TESPA1: variants seen among roughly 807,000 people sequenced by gnomAD.
The protein encoded by TESPA1 is thymocyte expressed, positive selection associated 1.
In TESPA1, 33 loss-of-function variants were observed where a neutral mutation model predicts 57.9. The ratio of observed to expected loss-of-function variants is 0.57; its 90% confidence interval spans 0.43 to 0.76. TESPA1 has a LOEUF of 0.76. Among genes scored for constraint, TESPA1 ranks in the 30% least tolerant of loss-of-function variants. TESPA1 has a pLI of 0.00. For missense variants in TESPA1, 618 were observed against 632.9 expected, an observed-to-expected ratio of 0.98 and a Z score of 0.25; for synonymous variants, 227 against 228.9, an observed-to-expected ratio of 0.99 and a Z score of 0.07.
intron 10 of TESPA1, among the ~76,000 whole-genome samples, chr12:54,959,319 C>T (rs761414939): frequency 2.0e-5 from 3 of 152,094 alleles, no homozygotes; most frequent in Admixed American, 6.5e-5. Flanking sequence ...AAACCTCATC[C>T]GGTTAGGTTT....
intron 2 of TESPA1, chr12:54,973,996 CT>C: frequency 1.3e-6 from 1 of 785,988 alleles, no homozygotes; most frequent in Non-Finnish European, 1.6e-6. Context: ...ACAAATAAGT[CT>C]TAGAGAGGTG....
At chr12:54,974,970 C>T (rs1034713207) in intron 1 of TESPA1, among the ~76,000 whole-genome samples, 23 of 152,138 alleles carry the variant, frequency 1.5e-4, no homozygotes, top group African/African-American at 5.3e-4. Context: ...CTACCAGAAT[C>T]TTCCATTATG....
rs978468074 is a variant in TESPA1, at chr12:54,951,824, C to T, written c.*2-1434G>A. On this transcript the variant is annotated intron_variant, in intron 10 of 10. Coordinates refer to ENST00000449076, the MANE Select transcript of TESPA1 (RefSeq NM_001136030.3). The stretch of plus-strand genomic sequence containing the variant: ...TTATATACGTTGTTCCTTGATAAAA[C>T]TTTAAATATTAATATTTCTAAGTTG... Among the ~76,000 whole-genome samples, 23 of 151,356 alleles carry T rather than the reference C, an allele frequency of 1.5e-4. No homozygotes were observed. The South Asian group carries it at 4.2e-3, about 27-fold the overall frequency.
chr12:54,958,488 G>A (rs1393382467), intron 10 of TESPA1, among the ~76,000 whole-genome samples: 1 of 145,306 alleles, frequency 6.9e-6, no homozygotes, highest in African/African-American at 2.8e-5. Context: ...GTAGATTTTT[G>A]CGTTTTTTTG....
At chr12:54,967,665 T>C (rs1285353967) in intron 4 of TESPA1, among the ~76,000 whole-genome samples, 178 bp downstream of exon 4, 1 of 152,186 alleles carries the variant, frequency 6.6e-6, no homozygotes, top group Non-Finnish European at 1.5e-5. Flanking sequence ...CAGCACTTTC[T>C]TCTGGATTTC....
At chr12:54,984,265 A>C (rs566354563) in intron 1 of TESPA1, 104 of 152,286 alleles carry the variant, frequency 6.8e-4, no homozygotes, top group African/African-American at 2.4e-3. Flanking sequence ...ACAGAGAAGA[A>C]CTTTGCAGGT....
intron 2 of TESPA1, chr12:54,973,981 A>G (rs780805411): frequency 2.3e-6 from 2 of 854,414 alleles, no homozygotes; most frequent in Non-Finnish European, 2.9e-6. Flanking sequence ...TACTACTTCA[A>G]TTGGACAAAT....
In TESPA1 at chr12:54,948,377, G is replaced by C. The variant is rs1950199997; in HGVS notation, c.*2015C>G. The C allele has an allele frequency of 5.8e-6, 1 of 172,882 alleles. No homozygotes were observed. The highest frequency in any genetic ancestry group is 2.4e-5 in the African/African-American group (1 of 41,778). The allele number at this position is 172,882 out of a possible 1,614,324, so 10.7% of individuals were successfully genotyped here. A position where few individuals can be genotyped will look rare whatever the true frequency, so the allele number is the denominator to read the frequency against. On this transcript the variant is annotated 3_prime_UTR_variant, in exon 11 of 11. Transcript: ENST00000449076. Reference sequence around the variant, plus strand: ...CTCAGAGGCCTGACAGTTTGGATCTGTGTCCTCACCCAAATCTCATGTCAA... The same window carrying C: ...CTCAGAGGCCTGACAGTTTGGATCTCTGTCCTCACCCAAATCTCATGTCAA...
intron 10 of TESPA1, among the ~76,000 whole-genome samples, chr12:54,951,181 C>T (rs1037201286): frequency 3.3e-5 from 5 of 152,136 alleles, no homozygotes; most frequent in African/African-American, 4.8e-5. Context: ...AAGCAGATTT[C>T]CCCCTTGCTG....
chr12:54,960,198 C>T (rs936637353), intron 10 of TESPA1, among the ~76,000 whole-genome samples: 5 of 152,232 alleles, frequency 3.3e-5, no homozygotes, highest in African/African-American at 1.2e-4. Flanking sequence ...ACCATTATCC[C>T]TTATGCCATT....
chr12:54,960,725 C>CTGATGCTCCT (rs1188640896), intron 10 of TESPA1, among the ~76,000 whole-genome samples: 1 of 152,206 alleles, frequency 6.6e-6, no homozygotes, highest in East Asian at 1.9e-4. Context: ...CCAGGGGATG[C>CTGATGCTCCT]TGATGCTCCT....
intron 1 of TESPA1, among the ~76,000 whole-genome samples, chr12:54,975,459 G>A (rs1952097837): frequency 6.6e-6 from 1 of 152,028 alleles, no homozygotes; most frequent in South Asian, 2.1e-4. Flanking sequence ...AGGAACAGAG[G>A]GGAAGAATCA....
intron 1 of TESPA1, among the ~76,000 whole-genome samples, chr12:54,983,190 C>G (rs1270289923): frequency 6.6e-6 from 1 of 152,176 alleles, no homozygotes; most frequent in Non-Finnish European, 1.5e-5. Flanking sequence ...CTACATAATG[C>G]TGAATCGCAG....
intron 3 of TESPA1, chr12:54,968,128 C>A: frequency 1.0e-6 from 1 of 970,656 alleles, no homozygotes; most frequent in Non-Finnish European, 1.5e-6. Flanking sequence ...TTCTGTTGTC[C>A]TGGCCACAGG....
Position 54,967,729 on chromosome 12 carries a change from G to A in TESPA1, c.256+114C>T, listed in dbSNP as rs1366119605. 3.2e-6 allele frequency: 4 copies of A among 1,244,896 alleles called. No homozygotes were observed. The East Asian group carries it at 7.3e-5, about 23-fold the overall frequency. The allele number at this position is 1,244,896 out of a possible 1,614,324, so 77.1% of individuals were successfully genotyped here. A position where few individuals can be genotyped will look rare whatever the true frequency, so the allele number is the denominator to read the frequency against. Reference sequence around the variant, plus strand: ...TTGCAGCCAGTTTAAGAACACTCAGGGACTCTTTTGCATGCCTATGCATGT... The same window carrying A: ...TTGCAGCCAGTTTAAGAACACTCAGAGACTCTTTTGCATGCCTATGCATGT... On this transcript the variant is annotated intron_variant, in intron 4 of 10. Transcript: ENST00000449076.
chr12:54,966,362 T>C, intron 6 of TESPA1, 26 bp downstream of exon 6: 1 of 1,613,902 alleles, frequency 6.2e-7, no homozygotes, highest in Non-Finnish European at 8.5e-7. Context: ...GAGACATCAT[T>C]CACCCTGGCT....
At position 54,956,296 on chromosome 12, in the gene TESPA1, G is replaced by A. The variant is rs11829862; in HGVS notation, c.*1+4872C>T. Among the ~76,000 whole-genome samples the A allele has an allele frequency of 7.2e-3, 1,102 of 152,204 alleles. 17 individuals carry two copies. Among genetic ancestry groups the A allele is most frequent in the African/African-American group, 0.026 (1,067 of 41,508 alleles). On this transcript the variant is annotated intron_variant, in intron 10 of 10. Transcript: ENST00000449076. Reference sequence around the variant, plus strand: ...GTCTCTTCTGCTGCCACCAGCAGGGGTGACCATAAAAATGAAAACTTCCAC... The same window carrying A: ...GTCTCTTCTGCTGCCACCAGCAGGGATGACCATAAAAATGAAAACTTCCAC...
rs1406739871 is a variant in TESPA1 at position 54,950,087 on chromosome 12, C to T, written c.*305G>A. ...AGGCTTTGTTCAGTTTACTATCATCCACATTATATATTTTAATACACACAT... is the reference window on the plus strand; with the variant it reads ...AGGCTTTGTTCAGTTTACTATCATCTACATTATATATTTTAATACACACAT... On this transcript the variant is annotated 3_prime_UTR_variant, in exon 11 of 11. Coordinates refer to ENST00000449076, the MANE Select transcript of TESPA1 (RefSeq NM_001136030.3). The T allele has an allele frequency of 3.6e-6, 1 of 281,104 alleles. No homozygotes were observed. The highest frequency in any genetic ancestry group is 7.0e-6 in the Non-Finnish European group (1 of 142,062). The allele number at this position is 281,104 out of a possible 1,614,324, so 17.4% of individuals were successfully genotyped here.
intron 3 of TESPA1, among the ~76,000 whole-genome samples, chr12:54,971,755 T>C: frequency 6.6e-6 from 1 of 152,056 alleles, no homozygotes; most frequent in Non-Finnish European, 1.5e-5. Context: ...ATTAAAGATA[T>C]AACTAAAGTC....
Sources: gnomAD v4.1 joint callset for allele counts (sites outside exome capture counted in the v4.1 genomes callset) on GRCh38, gnomAD v4.1.1 for gene constraint, MANE v1.5 for transcripts, NCBI Gene and HGNC (gene_info 2026-07-23, HGNC 2026-07-21) for gene names.